Variants in ASIC2 observed in about 807,000 individuals in gnomAD.
ASIC2 encodes the protein acid-sensing ion channel 2.
Under a neutral mutation model 57.3 loss-of-function variants are expected in ASIC2, and 25 were observed. That is an observed-to-expected ratio of 0.44 (90% confidence interval 0.32 to 0.61). The LOEUF (loss-of-function observed/expected upper bound fraction) is 0.61, where lower values mean the gene tolerates loss of function less well. ASIC2 is among the 20% of genes least tolerant of loss of function. The probability of loss-of-function intolerance (pLI) is 0.06; values close to 1 mark genes in which losing one functional copy is unlikely to be tolerated. For missense variants in ASIC2, 641 were observed against 738.1 expected (o/e 0.87, Z 1.52); for synonymous variants, 319 against 307.5 (o/e 1.04, Z -0.39).
chr17:33,902,580 A>C (rs1915253525), intron 1 of ASIC2, among the ~76,000 whole-genome samples: 1 of 152,278 alleles, frequency 6.6e-6, no homozygotes, highest in South Asian at 2.1e-4. Context: ...CTGGGCCCAG[A>C]CATGAGCATT....
chr17:33,423,619 AG>A (rs1434144771), intron 1 of ASIC2, among the ~76,000 whole-genome samples: 1 of 152,132 alleles, frequency 6.6e-6, no homozygotes, highest in Admixed American at 6.5e-5. Flanking sequence ...CTCTACTGTG[AG>A]GGAGTCCTCT....
At chr17:34,017,097 T>G (rs529121198) in intron 1 of ASIC2, among the ~76,000 whole-genome samples, 1 of 152,366 alleles carries the variant, frequency 6.6e-6, no homozygotes, top group South Asian at 2.1e-4. Context: ...TTAAAGGTTA[T>G]GCATGGAGCA....
intron 1 of ASIC2, among the ~76,000 whole-genome samples, chr17:33,610,067 C>CAT (rs1905351474): frequency 6.6e-6 from 1 of 151,708 alleles, no homozygotes; most frequent in African/African-American, 2.4e-5. Context: ...CACACACACA[C>CAT]ACACACACAC....
In ASIC2 at chr17:33,339,380, C is replaced by G. The variant is rs140945915; in HGVS notation, c.556-227313G>C. 3.5e-3 allele frequency among the ~76,000 whole-genome samples: 531 copies of G among 152,296 alleles called. 3 individuals carry two copies. Among genetic ancestry groups the G allele is most frequent in the South Asian group, 0.028 (134 of 4,818 alleles). ...ACTCAACTCTCCTGTTGTAGAGCAACAGCAGCCCTTGGCAATATGCAAATG... is the reference window on the plus strand; with the variant it reads ...ACTCAACTCTCCTGTTGTAGAGCAAGAGCAGCCCTTGGCAATATGCAAATG... On this transcript the variant is annotated intron_variant, in intron 1 of 9. Coordinates refer to the ASIC2 transcript ENST00000359872.
chr17:33,503,063 C>T (rs1216853082), intron 1 of ASIC2, among the ~76,000 whole-genome samples: 1 of 152,126 alleles, frequency 6.6e-6, no homozygotes, highest in African/African-American at 2.4e-5. Context: ...CTGATGCCTC[C>T]CTGGGCATCA....
chr17:33,436,864 T>C (rs1911634685), intron 1 of ASIC2, among the ~76,000 whole-genome samples: 1 of 115,870 alleles, frequency 8.6e-6, no homozygotes, highest in Non-Finnish European at 1.7e-5. Flanking sequence ...TTTTTTTTTT[T>C]TTTTTTTTTT....
chr17:33,335,727 G>A (rs555538278), intron 1 of ASIC2, among the ~76,000 whole-genome samples: 19 of 152,302 alleles, frequency 1.2e-4, no homozygotes, highest in African/African-American at 4.3e-4. Context: ...AGATGCTGTA[G>A]CCACATAGTC....
At chr17:33,173,898 T>C (rs1041459536) in intron 1 of ASIC2, among the ~76,000 whole-genome samples, 1 of 152,178 alleles carries the variant, frequency 6.6e-6, no homozygotes, top group African/African-American at 2.4e-5. Context: ...TGTTGGCTAA[T>C]TCCTGTGTTC....
chr17:33,215,588 G>A (rs925259161), intron 1 of ASIC2, among the ~76,000 whole-genome samples: 9 of 151,940 alleles, frequency 5.9e-5, no homozygotes, highest in Admixed American at 2.6e-4. Flanking sequence ...ATTAAGCCTA[G>A]ACAGAGAAAA....
At chr17:33,856,876 G>A (rs1025296026) in intron 1 of ASIC2, among the ~76,000 whole-genome samples, 1 of 152,082 alleles carries the variant, frequency 6.6e-6, no homozygotes, top group African/African-American at 2.4e-5. Context: ...AGGCTGAAAC[G>A]GTGGCCAGGG....
chr17:33,226,804 T>C (rs1907896213), intron 1 of ASIC2, among the ~76,000 whole-genome samples: 1 of 152,192 alleles, frequency 6.6e-6, no homozygotes, highest in Admixed American at 6.5e-5. Context: ...GACAGTGCTG[T>C]CCAATAGAAA....
At chr17:33,883,935 T>G (rs1227161067) in intron 1 of ASIC2, among the ~76,000 whole-genome samples, 3 of 152,230 alleles carry the variant, frequency 2.0e-5, no homozygotes, top group Non-Finnish European at 2.9e-5. Flanking sequence ...GTGAAGTAAC[T>G]TGCCCCAGGT....
chr17:34,094,943 T>C (rs1380849028), intron 1 of ASIC2, among the ~76,000 whole-genome samples: 1 of 152,188 alleles, frequency 6.6e-6, no homozygotes, highest in Non-Finnish European at 1.5e-5. Flanking sequence ...TTTAGCAAGA[T>C]TGTGCATTAG....
chr17:34,121,995 C>T (rs983378231), intron 1 of ASIC2, among the ~76,000 whole-genome samples: 5 of 76 alleles, frequency 0.066, no homozygotes, highest in African/African-American at 0.25. Flanking sequence ...TCTACCAGGG[C>T]ACTCAGTGCT....
chr17:33,952,151 A>C (rs943938114), intron 1 of ASIC2, among the ~76,000 whole-genome samples: 1 of 152,202 alleles, frequency 6.6e-6, no homozygotes, highest in African/African-American at 2.4e-5. Context: ...AATGAGAGAG[A>C]GGAGAGGAAG....
At chr17:33,027,246 T>C (rs1392737043) in intron 4 of ASIC2, among the ~76,000 whole-genome samples, 2 of 152,162 alleles carry the variant, frequency 1.3e-5, no homozygotes, top group Non-Finnish European at 2.9e-5. Flanking sequence ...CCTCTGACCC[T>C]GGCTGGAAAA....
At chr17:34,063,492 C>A (rs1203626794) in intron 1 of ASIC2, among the ~76,000 whole-genome samples, 1 of 152,120 alleles carries the variant, frequency 6.6e-6, no homozygotes, top group African/African-American at 2.4e-5. Flanking sequence ...CACTCCTCTT[C>A]AACACAGTAC....
intron 1 of ASIC2, among the ~76,000 whole-genome samples, chr17:33,840,822 C>CAA (rs1480940449): frequency 1.3e-5 from 2 of 152,036 alleles, no homozygotes; most frequent in African/African-American, 4.8e-5. Context: ...CACACACACA[C>CAA]ACAGAGCCTA....
chr17:33,891,437 A>T (rs1914957768), intron 1 of ASIC2, among the ~76,000 whole-genome samples: 1 of 152,300 alleles, frequency 6.6e-6, no homozygotes, highest in East Asian at 1.9e-4. Context: ...TCGGCCTACT[A>T]TAAGAAAAGA....
Sources: gnomAD v4.1 joint callset for allele counts (sites outside exome capture counted in the v4.1 genomes callset) on GRCh38, gnomAD v4.1.1 for gene constraint, MANE v1.5 for transcripts, NCBI Gene and HGNC (gene_info 2026-07-23, HGNC 2026-07-21) for gene names.